The following MRC1 variants were observed in gnomAD, a reference collection of about 807,000 sequenced individuals.
MRC1 encodes mannose receptor C-type 1.
A neutral mutation model predicts 102.9 loss-of-function variants in MRC1; 62 were observed. The observed-to-expected ratio is 0.60, with a 90% confidence interval of 0.49 to 0.74. The LOEUF is 0.74. Ranked by LOEUF, MRC1 falls within the 30% of genes least tolerant of loss-of-function variation. The pLI is 0.00. For synonymous variants in MRC1, 457 were observed against 298.4 expected (o/e 1.53, Z -5.48); for missense variants, 1,237 against 862.8 (o/e 1.43, Z -5.43).
chr10:17,889,167 A>C (rs1006676349), intron 22 of MRC1, among the ~76,000 whole-genome samples: 22 of 152,142 alleles, frequency 1.4e-4, no homozygotes, highest in African/African-American at 5.3e-4. Context: ...CTTTATATTT[A>C]AAGTGAATTT....
chr10:17,888,158 TAGAAAA>T (rs1833626263), intron 22 of MRC1, among the ~76,000 whole-genome samples: 1 of 152,174 alleles, frequency 6.6e-6, no homozygotes. Context: ...TAAATATAGT[TAGAAAA>T]AGAGAATGGG....
intron 21 of MRC1, among the ~76,000 whole-genome samples, chr10:17,883,355 C>T (rs1833544781): frequency 6.6e-6 from 1 of 152,068 alleles, no homozygotes; most frequent in Admixed American, 6.6e-5. Context: ...CTTAAAACTT[C>T]TGATCTCAAG....
At chr10:17,887,467 T>G (rs1044764651) in intron 22 of MRC1, among the ~76,000 whole-genome samples, 1 of 152,218 alleles carries the variant, frequency 6.6e-6, no homozygotes, top group Admixed American at 6.5e-5. Context: ...GAGAAATTCT[T>G]TCATTCTCAT....
chr10:17,840,065 C>CA (rs35908194), intron 4 of MRC1, among the ~76,000 whole-genome samples: 74,830 of 102,948 alleles, frequency 0.73, 27,271 homozygotes, highest in East Asian at 0.8. Flanking sequence ...GACTCCAACT[C>CA]AAAAAAAAAA....
At chr10:17,900,742 T>C in intron 24 of MRC1, 46 bp from the exon 25 acceptor site, 2 of 780,658 alleles carry the variant, frequency 2.6e-6, no homozygotes, top group Admixed American at 1.7e-5. Context: ...TAGTATTTTC[T>C]AAATGAAGCA....
At chr10:17,812,567 C>CT (rs879229292) in intron 1 of MRC1, among the ~76,000 whole-genome samples, 976 of 79,886 alleles carry the variant, frequency 0.012, 30 homozygotes, top group East Asian at 0.023. Flanking sequence ...CAACAGTAGG[C>CT]TTTTTTTTTT....
In MRC1 at chr10:17,872,066, A is replaced by T; in HGVS notation, c.2284A>T (p.Met762Leu). 1.3e-6 allele frequency: 1 copy of T among 780,654 alleles called. No individual in the cohort carries two copies. Among genetic ancestry groups the T allele is most frequent in the Non-Finnish European group, 2.4e-6 (1 of 417,834 alleles). The allele number at this position is 780,654 out of a possible 1,614,324, so 48.4% of individuals were successfully genotyped here. ...YCGELKGDPTMSWNDINCEHL... is the reference protein window; with the variant it reads ...YCGELKGDPTLSWNDINCEHL... ...TGGTGAGCTGAAAGGTGACCCTACT[A>T]TGTCTTGGAATGATATTAATTGTGA... Residue 762 changes from methionine (M) to leucine (L), a missense_variant, in exon 15 of 30, where the codon ATG becomes TTG. By Grantham distance (15) the Met-to-Leu change is conservative. Coordinates refer to ENST00000569591, the MANE Select transcript of MRC1 (RefSeq NM_002438.4).
Position 17,870,369 on chromosome 10 carries a change from A to T in MRC1, c.2107A>T (p.Ile703Leu), listed in dbSNP as rs961013842. Residue 703 changes from isoleucine (I) to leucine (L), a missense_variant, in exon 13 of 30, where the codon ATA becomes TTA. Ile to Leu is a conservative substitution (Grantham distance 5, BLOSUM62 2). Coordinates refer to ENST00000569591, the MANE Select transcript of MRC1 (RefSeq NM_002438.4). The part of the protein sequence containing the change: ...KEEQQTIWRL[I>L]TASGSYHKLF... ...GGAACAGCAAACAATATGGCGATTA[A>T]TAACGTAAGTGGTATTTTTATGGAT... 2.8e-5 allele frequency: 22 copies of T among 780,310 alleles called. No individual in the cohort carries two copies. Among genetic ancestry groups the T allele is most frequent in the African/African-American group, 8.5e-5 (5 of 59,108 alleles). 48.3% of individuals were successfully genotyped at this position (780,310 alleles called of 1,614,324 possible).
intron 3 of MRC1, among the ~76,000 whole-genome samples, chr10:17,829,270 A>G (rs1277051352): frequency 6.6e-6 from 1 of 151,544 alleles, no homozygotes; most frequent in Non-Finnish European, 1.5e-5. Context: ...AACTTAAAAA[A>G]TACCTGAATT....
At chr10:17,827,341 C>G (rs570680630) in intron 2 of MRC1, among the ~76,000 whole-genome samples, 20 of 112,782 alleles carry the variant, frequency 1.8e-4, no homozygotes, top group Non-Finnish European at 3.1e-4. Flanking sequence ...CAGCAAAAGA[C>G]TAGGGTAGAA....
intron 1 of MRC1, among the ~76,000 whole-genome samples, chr10:17,816,987 C>A (rs932494099): frequency 1.2e-4 from 18 of 152,198 alleles, no homozygotes; most frequent in Admixed American, 3.9e-4. Context: ...GTGGCTCATG[C>A]CTGTAATCCC....
intron 23 of MRC1, 86 bp from the exon 24 acceptor site, chr10:17,897,948 A>C: frequency 1.3e-6 from 1 of 774,828 alleles, no homozygotes; most frequent in Non-Finnish European, 2.4e-6. Context: ...GCTTATTTTT[A>C]TGATAGATGA....
intron 4 of MRC1, among the ~76,000 whole-genome samples, chr10:17,838,333 C>G (rs1043797362): frequency 1.3e-5 from 2 of 152,256 alleles, no homozygotes; most frequent in African/African-American, 2.4e-5. Flanking sequence ...CGTTTGCACA[C>G]TACCCACAGC....
intron 5 of MRC1, among the ~76,000 whole-genome samples, chr10:17,841,881 C>T (rs1838758001): frequency 6.6e-6 from 1 of 152,100 alleles, no homozygotes; most frequent in Non-Finnish European, 1.5e-5. Flanking sequence ...CGGTGTTCTT[C>T]AGACAGTCAG....
intron 18 of MRC1, among the ~76,000 whole-genome samples, chr10:17,878,859 G>C (rs998370966): frequency 6.6e-6 from 1 of 152,058 alleles, no homozygotes; most frequent in African/African-American, 2.4e-5. Flanking sequence ...AAAAATGTTG[G>C]ATCTTGCTTT....
At chr10:17,855,066 G>A (rs1833062377) in intron 8 of MRC1, among the ~76,000 whole-genome samples, 2 of 152,106 alleles carry the variant, frequency 1.3e-5, no homozygotes, top group Non-Finnish European at 2.9e-5. Flanking sequence ...AAATCTCAAA[G>A]GAAAAGAGAG....
chr10:17,878,895 T>A (rs1210049311), intron 18 of MRC1, among the ~76,000 whole-genome samples: 1 of 152,208 alleles, frequency 6.6e-6, no homozygotes, highest in African/African-American at 2.4e-5. Context: ...TTTTATCATT[T>A]CTAAAGTGAA....
At chr10:17,863,841 CT>C (rs2130664487) in intron 11 of MRC1, among the ~76,000 whole-genome samples, 159 bp downstream of exon 11, 1 of 152,098 alleles carries the variant, frequency 6.6e-6, no homozygotes, top group African/African-American at 2.4e-5. Flanking sequence ...TCTTTTCTTC[CT>C]TTTTTTCTTT....
Position 17,836,087 on chromosome 10 carries a change from G to T in MRC1, c.802+2248G>T, listed in dbSNP as rs945709423. Among the ~76,000 whole-genome samples the T allele has an allele frequency of 9.1e-4, 138 of 152,284 alleles. 1 individual carries two copies. The Middle Eastern group carries it at 0.01, about 11-fold the overall frequency. ...TTTGCTGAGGCACCTGTGCTTTGGT[G>T]ACCTTGTCTGTTAAAAGAGCTAATG... is the stretch of plus-strand genomic sequence containing the variant. On this transcript the variant is annotated intron_variant, in intron 4 of 29. Transcript: ENST00000569591.
Sources: gnomAD v4.1 joint callset for allele counts (sites outside exome capture counted in the v4.1 genomes callset) on GRCh38, gnomAD v4.1.1 for gene constraint, MANE v1.5 for transcripts, NCBI Gene and HGNC (gene_info 2026-07-23, HGNC 2026-07-21) for gene names.